Variants in ATP6V1A observed in about 807,000 individuals in gnomAD.
ATP6V1A encodes the protein V-type proton ATPase catalytic subunit A.
A neutral mutation model predicts 70.1 loss-of-function variants in ATP6V1A; 18 were observed. That is an observed-to-expected ratio of 0.26 (90% CI 0.18 to 0.38). ATP6V1A has a LOEUF of 0.38. Among genes scored for constraint, ATP6V1A ranks in the 10% least tolerant of loss-of-function variants. The pLI, the probability that ATP6V1A is intolerant of heterozygous loss-of-function variation, is 1.00. For missense variants in ATP6V1A, 424 were observed against 772.4 expected, an observed-to-expected ratio of 0.55 and a Z score of 5.35; for synonymous variants, 232 against 253.8, an observed-to-expected ratio of 0.91 and a Z score of 0.82.
At chr3:113,752,939 G>GT (rs1009922204) in intron 1 of ATP6V1A, among the ~76,000 whole-genome samples, 7 of 152,184 alleles carry the variant, frequency 4.6e-5, no homozygotes, top group Admixed American at 1.3e-4. Context: ...TCCAGATGTA[G>GT]TTTTTTAAAC....
At chr3:113,782,181 A>G (rs1708983629) in intron 3 of ATP6V1A, among the ~76,000 whole-genome samples, 1 of 152,200 alleles carries the variant, frequency 6.6e-6, no homozygotes, top group Non-Finnish European at 1.5e-5. Flanking sequence ...GTCTCTTTAT[A>G]GTACTAGGTG....
intron 2 of ATP6V1A, 28 bp from the exon 3 acceptor site, chr3:113,781,022 C>T: frequency 6.3e-7 from 1 of 1,577,078 alleles, no homozygotes; most frequent in Non-Finnish European, 8.6e-7. Flanking sequence ...AGTCTTAAGT[C>T]ATCAAAATAG....
chr3:113,766,020 C>T (rs1708766208), intron 1 of ATP6V1A, among the ~76,000 whole-genome samples: 2 of 152,132 alleles, frequency 1.3e-5, no homozygotes, highest in Admixed American at 6.5e-5. Context: ...ATTATGTCAC[C>T]TTTTTTTCAT....
At chr3:113,764,239 A>G (rs1708741449) in intron 1 of ATP6V1A, among the ~76,000 whole-genome samples, 1 of 152,184 alleles carries the variant, frequency 6.6e-6, no homozygotes, top group African/African-American at 2.4e-5. Context: ...TCTCAAAAAA[A>G]AAAGAAAAAA....
At chr3:113,772,373 G>C (rs895089674) in intron 1 of ATP6V1A, among the ~76,000 whole-genome samples, 7 of 152,168 alleles carry the variant, frequency 4.6e-5, no homozygotes, top group African/African-American at 1.7e-4. Flanking sequence ...TTCTAGGGAG[G>C]AGCACAGGAA....
chr3:113,796,497 C>T (rs1023522068), intron 11 of ATP6V1A, among the ~76,000 whole-genome samples: 5 of 152,156 alleles, frequency 3.3e-5, no homozygotes, highest in South Asian at 2.1e-4. Flanking sequence ...TTCTATTAGC[C>T]ACATCCAGGT....
intron 1 of ATP6V1A, among the ~76,000 whole-genome samples, chr3:113,756,238 G>A (rs1708645812): frequency 6.6e-6 from 1 of 152,216 alleles, no homozygotes; most frequent in South Asian, 2.1e-4. Flanking sequence ...CATGTAGCCT[G>A]TCATAGTATT....
Position 113,810,842 on chromosome 3 carries a change from A to G in ATP6V1A, c.*1415A>G, listed in dbSNP as rs1577099535. ...AGCCAGTTGACCAATCATAGAAAGT[A>G]TTACTTTCTTTCATATGGTTTTTGG... On this transcript the variant is annotated 3_prime_UTR_variant, in exon 15 of 15. Coordinates refer to ENST00000273398, the MANE Select transcript of ATP6V1A (RefSeq NM_001690.4). 1 of 152,180 alleles carries G rather than the reference A, an allele frequency of 6.6e-6. No individual in the cohort carries two copies. Among genetic ancestry groups the G allele is most frequent in the East Asian group, 1.9e-4 (1 of 5,200 alleles). The allele number at this position is 152,180 out of a possible 1,614,324, so 9.4% of individuals were successfully genotyped here.
chr3:113,768,116 A>G (rs1319560448), intron 1 of ATP6V1A, among the ~76,000 whole-genome samples: 2 of 152,184 alleles, frequency 1.3e-5, no homozygotes, highest in Non-Finnish European at 2.9e-5. Context: ...TTTGATATAC[A>G]GTTAAAATAG....
chr3:113,770,799 A>G (rs922677124), intron 1 of ATP6V1A, among the ~76,000 whole-genome samples: 1 of 152,086 alleles, frequency 6.6e-6, no homozygotes, highest in Non-Finnish European at 1.5e-5. Flanking sequence ...GATTTGGGAT[A>G]AAATTAACTT....
At chr3:113,768,581 A>G in intron 1 of ATP6V1A, among the ~76,000 whole-genome samples, 1 of 146,422 alleles carries the variant, frequency 6.8e-6, no homozygotes, top group Non-Finnish European at 1.5e-5. Flanking sequence ...ATTGTTTCTC[A>G]TAGCCTGTAT....
At chr3:113,792,261 G>A (rs1001113749) in intron 8 of ATP6V1A, among the ~76,000 whole-genome samples, 2 of 152,032 alleles carry the variant, frequency 1.3e-5, no homozygotes, top group Admixed American at 6.6e-5. Flanking sequence ...CGTCGTTTAC[G>A]ATAGGCAGCA....
intron 1 of ATP6V1A, among the ~76,000 whole-genome samples, chr3:113,773,930 G>A (rs1041367641): frequency 6.6e-6 from 1 of 152,044 alleles, no homozygotes; most frequent in African/African-American, 2.4e-5. Flanking sequence ...GAAGATCCTT[G>A]GGGGAAAGAT....
At chr3:113,780,731 G>T in intron 2 of ATP6V1A, 1 of 1,295,168 alleles carries the variant, frequency 7.7e-7, no homozygotes, top group South Asian at 1.2e-5. Flanking sequence ...TTGTTCCAAA[G>T]CCTTCACTCC....
At chr3:113,765,108 T>C (rs1162691256) in intron 1 of ATP6V1A, among the ~76,000 whole-genome samples, 1 of 152,180 alleles carries the variant, frequency 6.6e-6, no homozygotes, top group African/African-American at 2.4e-5. Context: ...TGTTCTCTAT[T>C]TTTAATAGTA....
In ATP6V1A at chr3:113,778,798, A is replaced by C. The variant is rs1197911761; in HGVS notation, c.45A>C (p.Glu15Asp). 4 of 1,594,596 alleles carry C rather than the reference A, an allele frequency of 2.5e-6. No homozygotes were observed. Among genetic ancestry groups the C allele is most frequent in the Non-Finnish European group, 1.7e-6 (2 of 1,170,860 alleles). The change falls in exon 2 of 15, where the codon GAA becomes GAC. Residue 15 changes from glutamate to aspartate, a missense_variant. This residue lies in a region of ATP6V1A where 21 missense variants were observed against 20.4 expected (regional missense o/e 1.03). Coordinates refer to ENST00000273398, the MANE Select transcript of ATP6V1A (RefSeq NM_001690.4). ...KLPKILDEDKESTFGYVHGVS... is the reference protein window; with the variant it reads ...KLPKILDEDKDSTFGYVHGVS... ...CCAAAATACTCGATGAAGATAAAGA[A>C]AGCACATTTGGTTATGTGCATGGGG...
chr3:113,778,777 A>G lies in ATP6V1A; in HGVS notation c.24A>G (p.Lys8=). 1 of 1,594,874 alleles carries G rather than the reference A, an allele frequency of 6.3e-7. No homozygotes were observed. Among genetic ancestry groups the G allele is most frequent in the Non-Finnish European group, 8.5e-7 (1 of 1,171,148 alleles). MDFSKLP[K]ILDEDKESTF... is the part of the protein sequence containing the mutation. ...TTATGGATTTTTCCAAGCTACCCAA[A>G]ATACTCGATGAAGATAAAGAAAGCA... The change falls in exon 2 of 15, where the codon AAA becomes AAG. Residue 8 remains lysine, a synonymous_variant. Coordinates refer to ENST00000273398, the MANE Select transcript of ATP6V1A (RefSeq NM_001690.4).
At chr3:113,770,683 A>AAAAAG (rs1010562525) in intron 1 of ATP6V1A, among the ~76,000 whole-genome samples, 32 of 152,236 alleles carry the variant, frequency 2.1e-4, no homozygotes, top group African/African-American at 7.2e-4. Flanking sequence ...TGTCTTAAAA[A>AAAAAG]AAAAGAAAAT....
intron 1 of ATP6V1A, among the ~76,000 whole-genome samples, chr3:113,776,892 C>G (rs184599880): frequency 2.0e-5 from 3 of 152,356 alleles, no homozygotes; most frequent in African/African-American, 7.2e-5. Context: ...CCGCTACCCT[C>G]TGCAGTGTCT....
Sources: gnomAD v4.1 joint callset for allele counts (sites outside exome capture counted in the v4.1 genomes callset) on GRCh38, gnomAD v4.1.1 for gene constraint, gnomAD v4.1.1 regional missense constraint, MANE v1.5 for transcripts, NCBI Gene and HGNC (gene_info 2026-07-23, HGNC 2026-07-21) for gene names.